Variants in FGF12 observed in about 807,000 individuals in gnomAD.
The protein encoded by FGF12 is fibroblast growth factor 12B.
In FGF12, 14 loss-of-function variants were observed where a neutral mutation model predicts 23.6. That is an observed-to-expected ratio of 0.59 (90% CI 0.39 to 0.93). The LOEUF is 0.93. FGF12 is among the 40% of genes least tolerant of loss of function. FGF12 has a pLI of 0.00. For synonymous variants in FGF12, 62 were observed against 77.3 expected, an observed-to-expected ratio of 0.80 and a Z score of 1.04; for missense variants, 175 against 217.8, an observed-to-expected ratio of 0.80 and a Z score of 1.24.
At chr3:192,312,978 G>A (rs1416955945) in intron 4 of FGF12, among the ~76,000 whole-genome samples, 3 of 152,032 alleles carry the variant, frequency 2.0e-5, no homozygotes, top group Admixed American at 1.3e-4. Context: ...TTCTAGAATT[G>A]GCACTTTTTC....
chr3:192,427,109 A>G (rs994529811), intron 2 of FGF12, among the ~76,000 whole-genome samples: 2 of 152,100 alleles, frequency 1.3e-5, no homozygotes, highest in Non-Finnish European at 2.9e-5. Flanking sequence ...TAGGCTGGGC[A>G]TGGTGGCTCA....
intron 4 of FGF12, among the ~76,000 whole-genome samples, chr3:192,331,534 T>C (rs534564288): frequency 6.6e-6 from 1 of 152,106 alleles, no homozygotes; most frequent in Non-Finnish European, 1.5e-5. Flanking sequence ...AATCCTGTCA[T>C]ATTCTACAAC....
intron 2 of FGF12, among the ~76,000 whole-genome samples, chr3:192,434,593 A>G (rs1361744374): frequency 6.6e-6 from 1 of 152,142 alleles, no homozygotes; most frequent in Non-Finnish European, 1.5e-5. Context: ...AAAGGAAAGA[A>G]GTGTTCTGTG....
intron 2 of FGF12, among the ~76,000 whole-genome samples, chr3:192,388,878 CTA>C (rs1720168626): frequency 6.6e-6 from 1 of 151,724 alleles, no homozygotes; most frequent in African/African-American, 2.4e-5. Context: ...AAAACTTTCA[CTA>C]TGTCTTATGA....
chr3:192,206,537 T>C (rs1717657108), intron 4 of FGF12, among the ~76,000 whole-genome samples: 1 of 152,212 alleles, frequency 6.6e-6, no homozygotes, highest in Non-Finnish European at 1.5e-5. Context: ...AAAAGAAATA[T>C]TAATGCACTT....
chr3:192,308,968 A>G (rs1331860849), intron 4 of FGF12, among the ~76,000 whole-genome samples: 1 of 152,236 alleles, frequency 6.6e-6, no homozygotes, highest in Non-Finnish European at 1.5e-5. Flanking sequence ...TTTTGTAAAT[A>G]TACAATGTAA....
intron 4 of FGF12, among the ~76,000 whole-genome samples, chr3:192,228,586 T>A (rs955707617): frequency 2.6e-5 from 4 of 152,084 alleles, no homozygotes; most frequent in African/African-American, 9.6e-5. Flanking sequence ...ACAATCACCA[T>A]GCCCTCGGGT....
chr3:192,632,670 C>T (rs74636688), intron 2 of FGF12, among the ~76,000 whole-genome samples: 14,736 of 152,220 alleles, frequency 0.097, 904 homozygotes, highest in Non-Finnish European at 0.14. Flanking sequence ...GATTCTGGTT[C>T]ATTAATTCTT....
intron 4 of FGF12, among the ~76,000 whole-genome samples, chr3:192,195,608 C>T (rs776804015): frequency 5.1e-4 from 78 of 152,238 alleles, no homozygotes; most frequent in Non-Finnish European, 9.3e-4. Flanking sequence ...GTATACTCTA[C>T]GATAGTCACA....
intron 2 of FGF12, among the ~76,000 whole-genome samples, chr3:192,589,666 C>A (rs1251569055): frequency 6.6e-6 from 1 of 151,718 alleles, no homozygotes; most frequent in African/African-American, 2.4e-5. Context: ...AGGAAATGGA[C>A]AGTCAAGGAA....
intron 2 of FGF12, among the ~76,000 whole-genome samples, chr3:192,541,160 A>G (rs1725354262): frequency 6.6e-6 from 1 of 151,884 alleles, no homozygotes; most frequent in South Asian, 2.1e-4. Flanking sequence ...TACCCCTGCC[A>G]TTTTGTTACT....
chr3:192,368,993 G>A (rs1428582952), intron 2 of FGF12, among the ~76,000 whole-genome samples: 2 of 152,214 alleles, frequency 1.3e-5, no homozygotes, highest in Admixed American at 1.3e-4. Flanking sequence ...GACACCCTGA[G>A]GCAAAATTAA....
At position 192,143,780 on chromosome 3, in the gene FGF12, G is replaced by C; in HGVS notation, c.*229C>G. ...TTTATTTTTTCCTTTGCTTTTAAGT[G>C]TGCTAATCTTTGTGCACGTGAATTT... On this transcript the variant is annotated 3_prime_UTR_variant, in exon 6 of 6. Transcript: ENST00000445105. The C allele has an allele frequency of 2.1e-6, 1 of 468,334 alleles. No homozygotes were observed. The highest frequency in any genetic ancestry group is 3.5e-5 in the South Asian group (1 of 28,606). 29.0% of individuals were successfully genotyped at this position (468,334 alleles called of 1,614,324 possible).
intron 2 of FGF12, among the ~76,000 whole-genome samples, chr3:192,365,203 C>G (rs1718920530): frequency 6.6e-6 from 1 of 151,310 alleles, no homozygotes; most frequent in Admixed American, 6.6e-5. Context: ...CGAAATATCA[C>G]TTGTACCCTA....
Position 192,408,229 on chromosome 3 carries a change from C to A in FGF12, c.14-47691G>T. 11 of 1,594,308 alleles carry A rather than the reference C, an allele frequency of 6.9e-6. No homozygotes were observed. The highest frequency in any genetic ancestry group is 9.4e-6 in the Non-Finnish European group (11 of 1,174,446). On this transcript the variant is annotated intron_variant, in intron 2 of 5. Coordinates refer to ENST00000445105, the MANE Select transcript of FGF12 (RefSeq NM_004113.6). This position sits in a 1 kb window ranked among gnomAD's most constrained non-coding sequence, Gnocchi z 7.3. ...CTGGCTATCGCCGCAGCCATAGCTG[C>A]TCAGCGAGGGCCTCAGGCCCCAGCC...
chr3:192,635,311 C>T (rs1715538856), intron 2 of FGF12, among the ~76,000 whole-genome samples: 1 of 152,036 alleles, frequency 6.6e-6, no homozygotes, highest in South Asian at 2.1e-4. Flanking sequence ...TTTTCAAGTA[C>T]CTCTTTACTC....
At chr3:192,410,122 C>A (rs1721147743) in intron 2 of FGF12, among the ~76,000 whole-genome samples, 1 of 152,010 alleles carries the variant, frequency 6.6e-6, no homozygotes, top group Non-Finnish European at 1.5e-5. Context: ...CCGCACGGCC[C>A]GCCGACCCAC....
chr3:192,412,597 T>A (rs1721232055), intron 2 of FGF12, among the ~76,000 whole-genome samples: 1 of 152,236 alleles, frequency 6.6e-6, no homozygotes, highest in Non-Finnish European at 1.5e-5. Context: ...GCTTTTTAAG[T>A]CATCATCAGC....
At chr3:192,392,098 C>A (rs562233004) in intron 2 of FGF12, among the ~76,000 whole-genome samples, 1 of 152,254 alleles carries the variant, frequency 6.6e-6, no homozygotes, top group South Asian at 2.1e-4. Flanking sequence ...ATCTGAGGAA[C>A]TATTATAGAG....
Sources: gnomAD v4.1 joint callset for allele counts (sites outside exome capture counted in the v4.1 genomes callset) on GRCh38, gnomAD v4.1.1 for gene constraint, Gnocchi (gnomAD v3.1) non-coding constraint, MANE v1.5 for transcripts, NCBI Gene and HGNC (gene_info 2026-07-23, HGNC 2026-07-21) for gene names.